The following KIAA0408 variants were observed in gnomAD, a reference collection of about 807,000 sequenced individuals.
KIAA0408 encodes the protein uncharacterized protein KIAA0408.
In KIAA0408, 51 loss-of-function variants were observed where a neutral mutation model predicts 60.9. That is an observed-to-expected ratio of 0.84 (90% CI 0.67 to 1.06). The LOEUF is 1.06. Among genes scored for constraint, KIAA0408 ranks in the 50% least tolerant of loss-of-function variants. The probability of loss-of-function intolerance (pLI) is 0.00; values close to 1 mark genes in which losing one functional copy is unlikely to be tolerated. For missense variants in KIAA0408, 787 were observed against 833.9 expected (o/e 0.94, Z 0.69); for synonymous variants, 304 against 282.4 (o/e 1.08, Z -0.77).
rs1311262866 is a variant in KIAA0408, at chr6:127,444,166, C to A, written c.2028G>T (p.Leu676Phe). ...TGGTATAGTTGTGGGTAGTTCTCCG[C>A]AAGGCAGGGGGTGCAGATGGAGATC... ...ASRSPSAPPA[L>F]RRTTHNYTIS... The change falls in exon 6 of 6, where the codon TTG (leucine) becomes TTT (phenylalanine). Residue 676 changes from leucine (L) to phenylalanine (F), a missense_variant. Physicochemically the swap from Leu to Phe is conservative, Grantham distance 22. Around this residue, in one of 3 missense-constraint regions of KIAA0408, gnomAD observed 133 missense variants for 119.2 expected, o/e 1.12. Transcript: ENST00000483725. 1.2e-6 allele frequency: 2 copies of A among 1,613,750 alleles called. No homozygotes were observed. The highest frequency in any genetic ancestry group is 1.3e-5 in the African/African-American group (1 of 74,876).
chr6:127,448,345 G>A (rs748057345), intron 4 of KIAA0408, among the ~76,000 whole-genome samples: 14 of 152,104 alleles, frequency 9.2e-5, no homozygotes, highest in African/African-American at 3.4e-4. Context: ...ATGGCTACTC[G>A]AAGGAAAATG....
In KIAA0408 at chr6:127,444,035, C is replaced by A. The variant is rs1478219915; in HGVS notation, c.*74G>T. On this transcript the variant is annotated 3_prime_UTR_variant, in exon 6 of 6. Coordinates refer to ENST00000483725, the MANE Select transcript of KIAA0408 (RefSeq NM_014702.5). ...GCTTGTCGGAAGAGAACAGGTCCGC[C>A]TGTAAACACTCAGAATGCTCTGTTT... 6 of 1,422,602 alleles carry A rather than the reference C, an allele frequency of 4.2e-6. No individual in the cohort carries two copies. The African/African-American group carries it at 8.5e-5, about 20-fold the overall frequency. 88.1% of individuals were successfully genotyped at this position (1,422,602 alleles called of 1,614,324 possible).
chr6:127,456,596 G>T (rs1035508707), intron 1 of KIAA0408, among the ~76,000 whole-genome samples: 1 of 152,164 alleles, frequency 6.6e-6, no homozygotes, highest in African/African-American at 2.4e-5. Context: ...CAGAGCAATT[G>T]CTAGTGCCAA....
intron 2 of KIAA0408, chr6:127,451,274 A>G (rs1456333094): frequency 2.2e-6 from 1 of 455,738 alleles, no homozygotes; most frequent in Non-Finnish European, 4.4e-6. Flanking sequence ...TTGCTGCTTA[A>G]TACATACCGA....
chr6:127,451,419 G>A (rs1773300816), intron 2 of KIAA0408: 1 of 411,520 alleles, frequency 2.4e-6, no homozygotes, highest in Admixed American at 2.7e-5. Flanking sequence ...TGAATTGATT[G>A]TTTGGTCCCT....
rs1486761784 is a variant in KIAA0408 at position 127,440,764 on chromosome 6, A to T, written c.*3345T>A. 2.0e-5 allele frequency: 3 copies of T among 152,222 alleles called. No homozygotes were observed. Among genetic ancestry groups the T allele is most frequent in the African/African-American group, 7.2e-5 (3 of 41,462 alleles). 9.4% of individuals were successfully genotyped at this position (152,222 alleles called of 1,614,324 possible). ...GTAAATGCAAATCTTAGAAGTAAAA[A>T]CTTTTTTCAAAGAAGACTTTTATCA... On this transcript the variant is annotated 3_prime_UTR_variant, in exon 6 of 6. Coordinates refer to ENST00000483725, the MANE Select transcript of KIAA0408 (RefSeq NM_014702.5).
In KIAA0408 at chr6:127,444,144, T is replaced by C. The variant is rs1773148256; in HGVS notation, c.2050A>G (p.Thr684Ala). ...PALRRTTHNYTISLRSEALMV is the reference protein window; with the variant it reads ...PALRRTTHNYAISLRSEALMV ...AATGCTTCGGATCGCAGAGAAATGG[T>C]ATAGTTGTGGGTAGTTCTCCGCAAG... Residue 684 changes from threonine to alanine, a missense_variant, in exon 6 of 6, where the codon ACC becomes GCC. Transcript: ENST00000483725. 3 of 1,613,978 alleles carry C rather than the reference T, an allele frequency of 1.9e-6. No individual in the cohort carries two copies. Among genetic ancestry groups the C allele is most frequent in the South Asian group, 1.1e-5 (1 of 91,080 alleles).
chr6:127,444,712 G>A (rs780892391), intron 5 of KIAA0408, among the ~76,000 whole-genome samples: 8 of 151,340 alleles, frequency 5.3e-5, no homozygotes, highest in Non-Finnish European at 1.0e-4. Flanking sequence ...CACTTTTAGA[G>A]GTGATACGCA....
chr6:127,449,984 A>T lies in KIAA0408; in HGVS notation c.498+6T>A, dbSNP rs1482036811. ...AACAGTTCTAGGCCAATCACATCTT[A>T]CTTACTGTACTGAGGGCGCCAGAAC... On this transcript the variant is annotated splice_donor_region_variant and intron_variant, in intron 3 of 5. Coordinates refer to ENST00000483725, the MANE Select transcript of KIAA0408 (RefSeq NM_014702.5). The T allele has an allele frequency of 3.0e-5, 48 of 1,613,644 alleles. No individual in the cohort carries two copies. The highest frequency in any genetic ancestry group is 5.3e-5 in the African/African-American group (4 of 74,858).
chr6:127,459,132 A>G (rs984089023), intron 1 of KIAA0408, 43 bp downstream of exon 1: 1 of 152,212 alleles, frequency 6.6e-6, no homozygotes, highest in Non-Finnish European at 1.5e-5. Flanking sequence ...GTATCCTGCC[A>G]TAATTAGTCA....
intron 2 of KIAA0408, among the ~76,000 whole-genome samples, chr6:127,451,680 A>G (rs918728255): frequency 9.9e-5 from 15 of 152,112 alleles, no homozygotes; most frequent in Non-Finnish European, 1.5e-5. Context: ...AATTTTTGTT[A>G]GTTACTAGAA....
At chr6:127,452,302 C>A (rs776126895) in intron 2 of KIAA0408, among the ~76,000 whole-genome samples, 12 of 151,844 alleles carry the variant, frequency 7.9e-5, no homozygotes, top group African/African-American at 2.9e-4. Flanking sequence ...ATTATTTTTC[C>A]AAGTGTTGAT....
intron 2 of KIAA0408, chr6:127,450,855 T>G (rs1308716926): frequency 6.4e-6 from 1 of 156,742 alleles, no homozygotes; most frequent in African/African-American, 2.4e-5. Flanking sequence ...AGTCAAAAGA[T>G]GTTTCCTTTG....
At chr6:127,459,014 G>A (rs144603253) in intron 1 of KIAA0408, among the ~76,000 whole-genome samples, 161 bp downstream of exon 1, 4 of 152,172 alleles carry the variant, frequency 2.6e-5, no homozygotes, top group African/African-American at 7.2e-5. Flanking sequence ...TATGCACCCC[G>A]CCCACTGTTT....
At chr6:127,445,555 C>T (rs1376165666) in intron 5 of KIAA0408, among the ~76,000 whole-genome samples, 3 of 152,140 alleles carry the variant, frequency 2.0e-5, no homozygotes, top group Admixed American at 6.5e-5. Flanking sequence ...AACCATGCTG[C>T]GTACTCACTG....
chr6:127,450,224 T>C lies in KIAA0408; in HGVS notation c.264A>G (p.Gly88=). ...GATTCGTCCTTATAAATTCACTTTG[T>C]CCTAAATCGGGGTAATTTGGGGAAG... is the stretch of plus-strand genomic sequence containing the variant. ...IESSPNYPDL[G]QSEFIRTNHK... Residue 88 remains glycine (G), a synonymous_variant, in exon 3 of 6, where the codon GGA becomes GGG. Coordinates refer to ENST00000483725, the MANE Select transcript of KIAA0408 (RefSeq NM_014702.5). 1 of 1,613,960 alleles carries C rather than the reference T, an allele frequency of 6.2e-7. No homozygotes were observed. The highest frequency in any genetic ancestry group is 1.3e-5 in the African/African-American group (1 of 74,924).
Position 127,450,255 on chromosome 6 carries a change from A to G in KIAA0408, c.233T>C (p.Ile78Thr), listed in dbSNP as rs140657174. 1,732 of 1,613,938 alleles carry G rather than the reference A, an allele frequency of 1.1e-3. 6 individuals are homozygous for G. The highest frequency in any genetic ancestry group is 1.3e-3 in the South Asian group (119 of 91,076). ...YHEKTIPEKV[I>T]ESSPNYPDLG... ...ATCGGGGTAATTTGGGGAAGATTCTATCACTTTCTCTGGAATGGTCTTCTC... is the reference window on the plus strand; with the variant it reads ...ATCGGGGTAATTTGGGGAAGATTCTGTCACTTTCTCTGGAATGGTCTTCTC... Residue 78 changes from isoleucine to threonine, a missense_variant, in exon 3 of 6, where the codon ATA becomes ACA. Around this residue, in one of 3 missense-constraint regions of KIAA0408, gnomAD observed 640 missense variants for 681.3 expected, o/e 0.94. Transcript: ENST00000483725.
chr6:127,449,519 G>T lies in KIAA0408; in HGVS notation c.578+303C>A, dbSNP rs187474248. ...ACAAAAAAACTAGCTGGGCGTGGTG[G>T]TGTGTGCCTGTAGTCCCAGCTACTT... is the stretch of plus-strand genomic sequence containing the variant. On this transcript the variant is annotated intron_variant, in intron 4 of 5. Transcript: ENST00000483725. Among the ~76,000 whole-genome samples, 102 of 152,258 alleles carry T rather than the reference G, an allele frequency of 6.7e-4. 1 individual carries two copies. The East Asian group carries it at 0.017, about 26-fold the overall frequency.
At chr6:127,458,601 G>A (rs766314763) in intron 1 of KIAA0408, among the ~76,000 whole-genome samples, 1 of 152,054 alleles carries the variant, frequency 6.6e-6, no homozygotes, top group South Asian at 2.1e-4. Context: ...ACTAACCATC[G>A]TGAACAAAAG....
Sources: allele counts gnomAD v4.1 joint callset (sites outside exome capture counted in the v4.1 genomes callset), GRCh38; gene constraint gnomAD v4.1.1; regional missense constraint gnomAD v4.1.1; transcripts MANE v1.5; gene names NCBI Gene and HGNC (gene_info 2026-07-23, HGNC 2026-07-21).